The following DIO1 variants were observed in gnomAD, a reference collection of about 807,000 sequenced individuals.
DIO1 encodes the protein type I iodothyronine deiodinase.
DIO1 carries 17 observed loss-of-function variants against 25.9 expected under a neutral mutation model. The ratio of observed to expected loss-of-function variants is 0.66; its 90% CI spans 0.45 to 0.98. The LOEUF (loss-of-function observed/expected upper bound fraction) is 0.98, where lower values mean the gene tolerates loss of function less well. Ranked by LOEUF, DIO1 falls within the 50% of genes least tolerant of loss-of-function variation. The pLI is 0.00. For missense variants in DIO1, 270 were observed against 310.4 expected (o/e 0.87, Z 0.98); for synonymous variants, 115 against 114.0 (o/e 1.01, Z -0.05).
chr1:53,899,770 G>T (rs1018545823), intron 1 of DIO1, among the ~76,000 whole-genome samples: 1 of 152,110 alleles, frequency 6.6e-6, no homozygotes, highest in African/African-American at 2.4e-5. Flanking sequence ...CTCATTCCTG[G>T]GCTCAAGCAG....
intron 1 of DIO1, chr1:53,902,927 A>C (rs1651441787): frequency 6.6e-6 from 1 of 151,670 alleles, no homozygotes; most frequent in Non-Finnish European, 1.5e-5. Flanking sequence ...TGCATTTTGT[A>C]AGTGAAACCC....
chr1:53,896,923 A>G (rs1256403997), intron 1 of DIO1, among the ~76,000 whole-genome samples: 2 of 152,224 alleles, frequency 1.3e-5, no homozygotes, highest in Non-Finnish European at 2.9e-5. Flanking sequence ...TTCATTCATA[A>G]TTTTAAACCA....
Position 53,904,763 on chromosome 1 carries a change from C to T in DIO1, c.435C>T (p.Ser145=), listed in dbSNP as rs753417809. 1.2e-6 allele frequency: 2 copies of T among 1,613,226 alleles called. No individual in the cohort carries two copies. Among genetic ancestry groups the T allele is most frequent in the South Asian group, 1.1e-5 (1 of 90,822 alleles). The change falls in exon 2 of 4, where the codon TCC becomes TCT. Residue 145 remains serine, a synonymous_variant. Coordinates refer to ENST00000361921, the MANE Select transcript of DIO1 (RefSeq NM_000792.7). The stretch of plus-strand genomic sequence containing the variant: ...AGAGGCTTATTGAAGACTTTAGTTC[C>T]ATAGCAGATTTTCTTGTCATTTACA... ...QFKRLIEDFS[S]IADFLVIYIE...
At chr1:53,909,091 CAA>C (rs60546715) in intron 3 of DIO1, among the ~76,000 whole-genome samples, 23 of 135,024 alleles carry the variant, frequency 1.7e-4, no homozygotes, top group South Asian at 4.8e-4. Flanking sequence ...GAGACTCTCT[CAA>C]AAAAAAAAAA....
Position 53,894,508 on chromosome 1 carries a change from C to T in DIO1, c.298C>T (p.Leu100Phe). The T allele has an allele frequency of 6.2e-7, 1 of 1,614,108 alleles. No homozygotes were observed. The highest frequency in any genetic ancestry group is 1.1e-5 in the South Asian group (1 of 91,070). ...GLAPNCPVVRLSGQRCNIWEF... is the reference protein window; with the variant it reads ...GLAPNCPVVRFSGQRCNIWEF... ...GGCCCCAAACTGCCCGGTGGTCCGC[C>T]TCTCAGGACAGAGGTGCAACATTTG... Residue 100 changes from leucine to phenylalanine, a missense_variant, in exon 1 of 4, where the codon CTC becomes TTC. Coordinates refer to ENST00000361921, the MANE Select transcript of DIO1 (RefSeq NM_000792.7). The surrounding 1 kb of genome is among the most constrained non-coding windows in gnomAD (Gnocchi z 4.9).
chr1:53,906,151 C>T lies in DIO1; in HGVS notation c.538C>T (p.Arg180Cys), dbSNP rs762243504. 3.1e-6 allele frequency: 5 copies of T among 1,614,212 alleles called. No individual in the cohort carries two copies. In the South Asian group the frequency reaches 3.3e-5, roughly 11 times the overall value. Residue 180 changes from arginine (R) to cysteine (C), a missense_variant, in exon 3 of 4, where the codon CGC becomes TGC. Coordinates refer to ENST00000361921, the MANE Select transcript of DIO1 (RefSeq NM_000792.7). ...DIRNHQNLQD[R>C]LQAAHLLLAR... ...CAGAAATCACCAGAACCTTCAGGAT[C>T]GCCTGCAGGCAGCCCATCTACTGCT...
At chr1:53,905,417 T>C (rs1341264737) in intron 2 of DIO1, among the ~76,000 whole-genome samples, 1 of 152,118 alleles carries the variant, frequency 6.6e-6, no homozygotes, top group Non-Finnish European at 1.5e-5. Context: ...TCAAACAATC[T>C]GCCCACCTCG....
chr1:53,905,336 G>A (rs1471414497), intron 2 of DIO1, among the ~76,000 whole-genome samples: 3 of 151,918 alleles, frequency 2.0e-5, no homozygotes, highest in African/African-American at 7.3e-5. Context: ...ACCATGCCCA[G>A]CTAGTTTTTT....
At chr1:53,896,210 CTTTTTTTTTTTTTTTT>C (rs199555423) in intron 1 of DIO1, among the ~76,000 whole-genome samples, 1 of 103,584 alleles carries the variant, frequency 9.7e-6, no homozygotes, top group South Asian at 3.5e-4. Flanking sequence ...TTCTTTTTCT[CTTTTTTTTTTTTTTTT>C]TTTTTTTTTG....
chr1:53,907,607 T>C (rs1043025036), intron 3 of DIO1, among the ~76,000 whole-genome samples: 3 of 152,050 alleles, frequency 2.0e-5, no homozygotes, highest in African/African-American at 7.2e-5. Context: ...AACACAAAAA[T>C]GAATTGAAAA....
Position 53,910,183 on chromosome 1 carries a change from A to G in DIO1, c.*184A>G. ...GCAGGCCACAGCACCCAATCAAGAC[A>G]AATTGTTATTATCAGAAAATGAAGC... On this transcript the variant is annotated 3_prime_UTR_variant, in exon 4 of 4. Coordinates refer to ENST00000361921, the MANE Select transcript of DIO1 (RefSeq NM_000792.7). The G allele has an allele frequency of 1.7e-6, 1 of 602,162 alleles. No homozygotes were observed. Among genetic ancestry groups the G allele is most frequent in the South Asian group, 1.9e-5 (1 of 51,352 alleles). The allele number at this position is 602,162 out of a possible 1,614,324, so 37.3% of individuals were successfully genotyped here.
intron 3 of DIO1, among the ~76,000 whole-genome samples, chr1:53,907,693 C>A (rs12023217): frequency 0.09 from 13,645 of 151,686 alleles, 1,214 homozygotes; most frequent in African/African-American, 0.24. Context: ...AGGCTGATCA[C>A]TTGAGGTTGG....
chr1:53,909,319 G>A (rs898529578), intron 3 of DIO1, among the ~76,000 whole-genome samples: 1 of 151,890 alleles, frequency 6.6e-6, no homozygotes, highest in East Asian at 1.9e-4. Flanking sequence ...AGGAGGCTGA[G>A]GCAGGAGAAT....
intron 3 of DIO1, among the ~76,000 whole-genome samples, chr1:53,907,640 A>G (rs11206243): frequency 0.24 from 35,764 of 152,098 alleles, 6,680 homozygotes; most frequent in African/African-American, 0.53. Flanking sequence ...AGCCGGGTGC[A>G]GTGGCTTACG....
chr1:53,907,009 G>C (rs948679260), intron 3 of DIO1, among the ~76,000 whole-genome samples: 1 of 152,178 alleles, frequency 6.6e-6, no homozygotes, highest in Non-Finnish European at 1.5e-5. Context: ...CCAAGGTCAC[G>C]CTGGGCAAGG....
intron 1 of DIO1, among the ~76,000 whole-genome samples, chr1:53,900,421 T>C (rs1012747780): frequency 3.3e-5 from 5 of 152,142 alleles, no homozygotes; most frequent in Non-Finnish European, 7.3e-5. Context: ...CTGGCCAACA[T>C]GGAGAAACCC....
At chr1:53,907,070 G>T (rs559290715) in intron 3 of DIO1, among the ~76,000 whole-genome samples, 1 of 152,238 alleles carries the variant, frequency 6.6e-6, no homozygotes, top group Non-Finnish European at 1.5e-5. Context: ...AAATGAGAAG[G>T]TCTGAAGCTG....
chr1:53,900,456 T>A (rs537319929), intron 1 of DIO1, among the ~76,000 whole-genome samples: 7 of 151,970 alleles, frequency 4.6e-5, no homozygotes, highest in Admixed American at 3.3e-4. Flanking sequence ...ATACAAAAAT[T>A]AGCCAGGCAT....
chr1:53,907,913 G>GA (rs34264508), intron 3 of DIO1, among the ~76,000 whole-genome samples: 1,827 of 46,668 alleles, frequency 0.039, 34 homozygotes, highest in East Asian at 0.063. Context: ...CTCTGTCTCG[G>GA]AAAAAAAAAA....
Sources: allele counts gnomAD v4.1 joint callset (sites outside exome capture counted in the v4.1 genomes callset), GRCh38; gene constraint gnomAD v4.1.1; non-coding constraint Gnocchi (gnomAD v3.1); transcripts MANE v1.5; gene names NCBI Gene and HGNC (gene_info 2026-07-23, HGNC 2026-07-21).